The following AP5Z1 variants were observed in gnomAD, a reference collection of about 807,000 sequenced individuals.
AP5Z1 encodes AP-5 complex subunit zeta-1.
A neutral mutation model predicts 83.0 loss-of-function variants in AP5Z1; 106 were observed. That is an observed-to-expected ratio of 1.28 (90% CI 1.09 to 1.50). The LOEUF is 1.50. Among genes scored for constraint, AP5Z1 ranks in the 40% most tolerant of loss-of-function variants. The pLI, the probability that AP5Z1 is intolerant of heterozygous loss-of-function variation, is 0.00. For missense variants in AP5Z1, 1,565 were observed against 1,094.2 expected (o/e 1.43, Z -6.07); for synonymous variants, 751 against 514.1 (o/e 1.46, Z -6.23).
chr7:4,787,528 T>C, intron 10 of AP5Z1, 106 bp from the exon 11 acceptor site: 2 of 1,453,640 alleles, frequency 1.4e-6, no homozygotes, highest in Non-Finnish European at 1.8e-6. Flanking sequence ...GAAGCCCTCC[T>C]GGGGACTGCA....
At chr7:4,777,462 A>G (rs1189533392) in intron 1 of AP5Z1, among the ~76,000 whole-genome samples, 1 of 151,948 alleles carries the variant, frequency 6.6e-6, no homozygotes, top group Admixed American at 6.6e-5. Context: ...ATCTCAGTTC[A>G]CTGCAACCTC....
intron 1 of AP5Z1, among the ~76,000 whole-genome samples, chr7:4,780,156 T>C (rs1781341381): frequency 6.6e-6 from 1 of 152,156 alleles, no homozygotes; most frequent in African/African-American, 2.4e-5. Flanking sequence ...TGGTTCTTTC[T>C]TTTAGACTGG....
rs1781750874 is a variant in AP5Z1 at position 4,791,030 on chromosome 7, G to C, written c.2154-85G>C. On this transcript the variant is annotated intron_variant, in intron 16 of 16. Coordinates refer to ENST00000649063, the MANE Select transcript of AP5Z1 (RefSeq NM_014855.3). Reference sequence around the variant, plus strand: ...CTGCTGAGCTAAAGCCACTCTGCTGGGCGCTTCAGGCCTGGCCCCTCCACA... The same window carrying C: ...CTGCTGAGCTAAAGCCACTCTGCTGCGCGCTTCAGGCCTGGCCCCTCCACA... 2.7e-6 allele frequency: 4 copies of C among 1,474,624 alleles called. No homozygotes were observed. In the Admixed American group the frequency reaches 9.3e-5, roughly 34 times the overall value. 91.3% of individuals were successfully genotyped at this position (1,474,624 alleles called of 1,614,324 possible).
chr7:4,790,276 G>A, intron 14 of AP5Z1, 183 bp from the exon 15 acceptor site: 1 of 1,543,996 alleles, frequency 6.5e-7, no homozygotes, highest in South Asian at 1.2e-5. Flanking sequence ...CAGCGCTGGT[G>A]CCAGCCTTCT....
Position 4,787,794 on chromosome 7 carries a change from T to C in AP5Z1, c.1454+18T>C, listed in dbSNP as rs1480481943. 8 of 1,516,350 alleles carry C rather than the reference T, an allele frequency of 5.3e-6. No homozygotes were observed. The highest frequency in any genetic ancestry group is 6.2e-6 in the Non-Finnish European group (7 of 1,132,642). 93.9% of individuals were successfully genotyped at this position (1,516,350 alleles called of 1,614,324 possible). ...CAGCTCAGGTGGGCCCCTCACCCTC[T>C]GCCAGCGCTGCGTCTCCCAGCCAGC... On this transcript the variant is annotated intron_variant, in intron 11 of 16. Coordinates refer to ENST00000649063, the MANE Select transcript of AP5Z1 (RefSeq NM_014855.3).
At chr7:4,784,449 CGGAGGTGGGGGGACTCGGGT>C in intron 6 of AP5Z1, 78 bp downstream of exon 6, 2 of 1,465,280 alleles carry the variant, frequency 1.4e-6, no homozygotes, top group Non-Finnish European at 1.8e-6. Flanking sequence ...GGGACACGGG[CGGAGGTGGGGGGACTCGGGT>C]GTGCCCAGGA....
chr7:4,779,344 T>TAACACGTTATATATGATATATAAC (rs1252361069), intron 1 of AP5Z1, among the ~76,000 whole-genome samples: 2,398 of 143,060 alleles, frequency 0.017, 61 homozygotes, highest in African/African-American at 0.062. Context: ...ATATATAACA[T>TAACACGTTATATATGATATATAAC]ATAACATGTT....
chr7:4,788,463 G>A, intron 12 of AP5Z1, 169 bp downstream of exon 12: 7 of 858,196 alleles, frequency 8.2e-6, no homozygotes, highest in Non-Finnish European at 1.2e-5. Flanking sequence ...TGCACCACGG[G>A]TCTGCCGGGG....
rs182668453 is a variant in AP5Z1 at position 4,784,414 on chromosome 7, G to C, written c.790+43G>C. ...ATGACGTCAGACAGGGGTGGGAGGT[G>C]GGCGCACTATGGGTTGGTCGCAGGG... On this transcript the variant is annotated intron_variant, in intron 6 of 16. Coordinates refer to ENST00000649063, the MANE Select transcript of AP5Z1 (RefSeq NM_014855.3). 3,608 of 1,551,092 alleles carry C rather than the reference G, an allele frequency of 2.3e-3. 31 individuals are homozygous for C. Among genetic ancestry groups the C allele is most frequent in the Non-Finnish European group, 2.8e-3 (3,217 of 1,152,544 alleles).
At position 4,781,687 on chromosome 7, in the gene AP5Z1, G is replaced by C. The variant is rs547606175; in HGVS notation, c.299G>C (p.Ser100Thr). Reference protein sequence around the residue: ...LREMSPSDSLSLAWDHTQNSR... With the variant: ...LREMSPSDSLTLAWDHTQNSR... ...GAGATGTCCCCCTCTGACAGCCTCA[G>C]CCTGGCCTGGGACCACACGCAGAAC... The change falls in exon 3 of 17, where the codon AGC (serine) becomes ACC (threonine). Residue 100 changes from serine (S) to threonine (T), a missense_variant. Transcript: ENST00000649063. The C allele has an allele frequency of 6.3e-7, 1 of 1,596,454 alleles. No individual in the cohort carries two copies. The highest frequency in any genetic ancestry group is 8.6e-7 in the Non-Finnish European group (1 of 1,166,358).
chr7:4,790,201 C>G (rs780442063), intron 14 of AP5Z1: 2 of 1,546,108 alleles, frequency 1.3e-6, no homozygotes, highest in East Asian at 2.4e-5. Context: ...CCCTGGGGTC[C>G]TTCTCTCCAA....
intron 2 of AP5Z1, 69 bp downstream of exon 2, chr7:4,781,381 C>G (rs1236978142): frequency 1.2e-6 from 2 of 1,602,640 alleles, no homozygotes; most frequent in Non-Finnish European, 8.5e-7. Flanking sequence ...CCACGCCCAG[C>G]AGGTCACTGC....
chr7:4,786,201 G>T (rs771231691), intron 9 of AP5Z1, 49 bp from the exon 10 acceptor site: 82 of 1,522,088 alleles, frequency 5.4e-5, no homozygotes, highest in Non-Finnish European at 7.1e-5. Flanking sequence ...ACAGAAGCAC[G>T]GCCAGGGCGA....
intron 4 of AP5Z1, 85 bp downstream of exon 4, chr7:4,783,545 G>A (rs1781444169): frequency 6.4e-7 from 1 of 1,560,514 alleles, no homozygotes. Flanking sequence ...TGGGAGTGTG[G>A]GGGGCAGGTG....
intron 14 of AP5Z1, chr7:4,790,182 C>T (rs770917278): frequency 3.1e-5 from 48 of 1,536,340 alleles, no homozygotes; most frequent in African/African-American, 9.6e-5. Context: ...CCCTCTTCCC[C>T]GTCTTGTCCC....
intron 13 of AP5Z1, among the ~76,000 whole-genome samples, chr7:4,789,540 G>A (rs1051619045): frequency 5.9e-5 from 9 of 152,344 alleles, no homozygotes; most frequent in South Asian, 4.1e-4. Context: ...TTGCTTGGGC[G>A]CACCCTTGGC....
At chr7:4,775,891 A>T (rs1781211469) in intron 1 of AP5Z1, 135 bp downstream of exon 1, 2 of 1,324,560 alleles carry the variant, frequency 1.5e-6, no homozygotes, top group Admixed American at 4.6e-5. Flanking sequence ...AGACTTGGGG[A>T]TCGGGTAAGG....
In AP5Z1 at chr7:4,788,273, A is replaced by T; in HGVS notation, c.1574A>T (p.Lys525Met). 1 of 1,591,690 alleles carries T rather than the reference A, an allele frequency of 6.3e-7. No homozygotes were observed. Among genetic ancestry groups the T allele is most frequent in the Non-Finnish European group, 8.5e-7 (1 of 1,170,532 alleles). ...QGLFQYLLRP[K>M]ASGATERLAP... ...CTTTTCCAATACCTGCTGCGCCCCA[A>T]GGCCAGTGGCGCCACTGAGAGGTAC... The change falls in exon 12 of 17, where the codon AAG becomes ATG. Residue 525 changes from lysine to methionine, a missense_variant. Coordinates refer to ENST00000649063, the MANE Select transcript of AP5Z1 (RefSeq NM_014855.3).
chr7:4,789,790 G>T (rs894790365), intron 13 of AP5Z1, 42 bp from the exon 14 acceptor site: 1 of 1,505,806 alleles, frequency 6.6e-7, no homozygotes, highest in Non-Finnish European at 9.0e-7. Context: ...AGGGCCTGCA[G>T]TGGGGGTGGG....
Sources: gnomAD v4.1 joint callset for allele counts (sites outside exome capture counted in the v4.1 genomes callset) on GRCh38, gnomAD v4.1.1 for gene constraint, MANE v1.5 for transcripts, NCBI Gene and HGNC (gene_info 2026-07-23, HGNC 2026-07-21) for gene names.